NPR3: variants seen among roughly 807,000 people sequenced by gnomAD.
NPR3 encodes natriuretic peptide receptor 3.
Under a neutral mutation model 54.5 loss-of-function variants are expected in NPR3, and 34 were observed. The ratio of observed to expected loss-of-function variants is 0.62; its 90% CI spans 0.47 to 0.83. NPR3 has a LOEUF of 0.83. NPR3 is among the 40% of genes least tolerant of loss of function. The pLI, the probability that NPR3 is intolerant of heterozygous loss-of-function variation, is 0.00. For synonymous variants in NPR3, 289 were observed against 297.1 expected (o/e 0.97, Z 0.28); for missense variants, 674 against 720.8 (o/e 0.94, Z 0.74).
At chr5:32,730,840 G>C (rs1275093592) in intron 2 of NPR3, among the ~76,000 whole-genome samples, 3 of 152,264 alleles carry the variant, frequency 2.0e-5, no homozygotes, top group Non-Finnish European at 4.4e-5. Context: ...ATTAATGAGA[G>C]ACATACCTTG....
chr5:32,743,987 ATTTTT>A (rs199604802), intron 3 of NPR3, among the ~76,000 whole-genome samples: 95 of 113,832 alleles, frequency 8.3e-4, no homozygotes, highest in South Asian at 1.9e-3. Context: ...ATTCTGATGC[ATTTTT>A]TTTTTTTTTT....
At chr5:32,749,326 T>A (rs1256289447) in intron 3 of NPR3, among the ~76,000 whole-genome samples, 3 of 152,118 alleles carry the variant, frequency 2.0e-5, no homozygotes, top group African/African-American at 7.2e-5. Flanking sequence ...TTAAAAAAAA[T>A]TTTCTTTTAC....
Position 32,712,433 on chromosome 5 carries a change from G to C in NPR3, c.657G>C (p.Gly219=), listed in dbSNP as rs377062036. 1.9e-6 allele frequency: 3 copies of C among 1,612,278 alleles called. No homozygotes were observed. The East Asian group carries it at 6.7e-5, about 36-fold the overall frequency. Residue 219 remains glycine, a synonymous_variant, in exon 1 of 8, where the codon GGG becomes GGC. Transcript: ENST00000265074. The part of the protein sequence containing the change: ...LERNCYFTLE[G]VHEVFQEEGL... ...GGAACTGCTACTTCACCCTCGAGGG[G>C]GTCCACGAGGTCTTCCAGGAGGAGG...
chr5:32,763,417 G>A (rs1190642959), intron 3 of NPR3, among the ~76,000 whole-genome samples: 1 of 151,970 alleles, frequency 6.6e-6, no homozygotes, highest in East Asian at 1.9e-4. Context: ...CTGCCTCCTG[G>A]GTTCAAACAA....
At position 32,787,047 on chromosome 5, in the gene NPR3, G is replaced by T. The variant is rs10050511; in HGVS notation, c.*702G>T. The T allele has an allele frequency of 2.0e-5, 3 of 150,530 alleles. No homozygotes were observed. The highest frequency in any genetic ancestry group is 3.0e-5 in the Non-Finnish European group (2 of 67,626). 9.3% of individuals were successfully genotyped at this position (150,530 alleles called of 1,614,324 possible). On this transcript the variant is annotated 3_prime_UTR_variant, in exon 8 of 8. Transcript: ENST00000265074. ...ATGTAAAAAAAAAAAGCCCTATTTC[G>T]CACTAACATTTTATTTTACAAGTAT...
rs1340695301 is a variant in NPR3 at position 32,791,025 on chromosome 5, A to T, written c.*4680A>T. On this transcript the variant is annotated 3_prime_UTR_variant, in exon 8 of 8. Coordinates refer to ENST00000265074, the MANE Select transcript of NPR3 (RefSeq NM_001204375.2). ...AACATAGGCTACCAAAATATTTCTTATTTGCTAGGAGAACAAAGCTGTCAC... is the reference window on the plus strand; with the variant it reads ...AACATAGGCTACCAAAATATTTCTTTTTTGCTAGGAGAACAAAGCTGTCAC... 1 of 167,110 alleles carries T rather than the reference A, an allele frequency of 6.0e-6. No homozygotes were observed. The highest frequency in any genetic ancestry group is 6.5e-5 in the Admixed American group (1 of 15,288). 10.4% of individuals were successfully genotyped at this position (167,110 alleles called of 1,614,324 possible). A position where few individuals can be genotyped will look rare whatever the true frequency, so the allele number is the denominator to read the frequency against.
At chr5:32,720,728 T>A (rs1738810129) in intron 1 of NPR3, among the ~76,000 whole-genome samples, 1 of 152,208 alleles carries the variant, frequency 6.6e-6, no homozygotes, top group Non-Finnish European at 1.5e-5. Flanking sequence ...ACTGCCTTAA[T>A]TAACCTCCAC....
chr5:32,784,852 G>A lies in NPR3; in HGVS notation c.1483G>A (p.Ala495Thr), dbSNP rs759137072. The A allele has an allele frequency of 6.2e-6, 10 of 1,613,672 alleles. No individual in the cohort carries two copies. The highest frequency in any genetic ancestry group is 8.5e-6 in the Non-Finnish European group (10 of 1,179,750). The change falls in exon 7 of 8, where the codon GCT (alanine) becomes ACT (threonine). Residue 495 changes from alanine to threonine, a missense_variant. Transcript: ENST00000265074. ...TGIVVGALLG[A>T]GLLMAFYFFR... Reference sequence around the variant, plus strand: ...AATTGTCGTGGGGGCTTTACTAGGAGCTGGCTTGCTAATGGCCTTCTACTT... The same window carrying A: ...AATTGTCGTGGGGGCTTTACTAGGAACTGGCTTGCTAATGGCCTTCTACTT...
intron 7 of NPR3, among the ~76,000 whole-genome samples, chr5:32,785,744 G>T (rs1742583221): frequency 6.6e-6 from 1 of 152,180 alleles, no homozygotes; most frequent in Non-Finnish European, 1.5e-5. Flanking sequence ...TGATTGTTCT[G>T]CCCCGTGAGG....
upstream of NPR3, chr5:32,709,262 A>G (rs1029268165): frequency 6.6e-6 from 1 of 152,012 alleles, no homozygotes; most frequent in African/African-American, 2.4e-5. Flanking sequence ...GGTTCCTACC[A>G]CTGTGGCCAG....
chr5:32,698,525 C>T (rs1371780187), intron 1 of NPR3, among the ~76,000 whole-genome samples: 1 of 152,112 alleles, frequency 6.6e-6, no homozygotes, highest in East Asian at 1.9e-4. Context: ...TTCAATGTTT[C>T]TTTGTCAATA....
chr5:32,743,188 C>T (rs1338498524), intron 3 of NPR3, among the ~76,000 whole-genome samples: 1 of 152,198 alleles, frequency 6.6e-6, no homozygotes, highest in African/African-American at 2.4e-5. Context: ...CTTGCCCTCT[C>T]TCTTTTTAAT....
intron 2 of NPR3, among the ~76,000 whole-genome samples, chr5:32,728,766 G>C (rs1489224276): frequency 7.2e-6 from 1 of 138,962 alleles, no homozygotes; most frequent in Admixed American, 7.6e-5. Context: ...GAAATTTCTT[G>C]GTATTAACGT....
chr5:32,755,194 G>A (rs1457024173), intron 3 of NPR3, among the ~76,000 whole-genome samples: 4 of 152,168 alleles, frequency 2.6e-5, no homozygotes, highest in Non-Finnish European at 5.9e-5. Context: ...CAACAATTCT[G>A]TGTGAGATTG....
At position 32,711,685 on chromosome 5, in the gene NPR3, T is replaced by G; in HGVS notation, c.-92T>G. 1 of 1,357,086 alleles carries G rather than the reference T, an allele frequency of 7.4e-7. No individual in the cohort carries two copies. The highest frequency in any genetic ancestry group is 9.4e-7 in the Non-Finnish European group (1 of 1,058,428). The allele number at this position is 1,357,086 out of a possible 1,614,324, so 84.1% of individuals were successfully genotyped here. A position where few individuals can be genotyped will look rare whatever the true frequency, so the allele number is the denominator to read the frequency against. ...AAGCGCCCAAGGGGGCGCAGGGACC[T>G]TGGAGAGAAGAGTGGGGAGGAAAGA... On this transcript the variant is annotated 5_prime_UTR_variant, in exon 1 of 8. Coordinates refer to ENST00000265074, the MANE Select transcript of NPR3 (RefSeq NM_001204375.2).
intron 3 of NPR3, among the ~76,000 whole-genome samples, chr5:32,772,705 A>G (rs985692274): frequency 1.3e-5 from 2 of 152,230 alleles, no homozygotes; most frequent in African/African-American, 4.8e-5. Context: ...CTCCATCTCT[A>G]GACAATTACA....
Position 32,712,452 on chromosome 5 carries a change from G to C in NPR3, c.676G>C (p.Glu226Gln). Residue 226 changes from glutamate to glutamine, a missense_variant, in exon 1 of 8, where the codon GAG becomes CAG. Glu to Gln is a conservative substitution (Grantham distance 29). Coordinates refer to ENST00000265074, the MANE Select transcript of NPR3 (RefSeq NM_001204375.2). Reference protein sequence around the residue: ...TLEGVHEVFQEEGLHTSIYSF... With the variant: ...TLEGVHEVFQQEGLHTSIYSF... ...CGAGGGGGTCCACGAGGTCTTCCAG[G>C]AGGAGGGTTTGCACACGTCCATCTA... 6.2e-7 allele frequency: 1 copy of C among 1,609,648 alleles called. No individual in the cohort carries two copies. The highest frequency in any genetic ancestry group is 8.5e-7 in the Non-Finnish European group (1 of 1,178,740).
Position 32,730,521 on chromosome 5 carries a change from G to T in NPR3, c.892+5701G>T, listed in dbSNP as rs529614170. Among the ~76,000 whole-genome samples, 11 of 152,224 alleles carry T rather than the reference G, an allele frequency of 7.2e-5. No homozygotes were observed. The South Asian group carries it at 2.1e-3, about 29-fold the overall frequency. ...AATAAAAAGCATACAGTTTGGAAAA[G>T]AAGAAAAAATCTGCTGTTTTGTGCA... On this transcript the variant is annotated intron_variant, in intron 2 of 7. Coordinates refer to ENST00000265074, the MANE Select transcript of NPR3 (RefSeq NM_001204375.2).
chr5:32,711,391 T>G lies in NPR3; in HGVS notation c.-386T>G. On this transcript the variant is annotated 5_prime_UTR_variant, in exon 1 of 8. Transcript: ENST00000265074. The stretch of plus-strand genomic sequence containing the variant: ...TACAAACACTTGGACAAGTCTAACT[T>G]TTTTTTTCTTCTACAAAAACGCTTT... The G allele has an allele frequency of 1.0e-6, 1 of 1,003,136 alleles. No individual in the cohort carries two copies. The highest frequency in any genetic ancestry group is 1.2e-6 in the Non-Finnish European group (1 of 842,458). 62.1% of individuals were successfully genotyped at this position (1,003,136 alleles called of 1,614,324 possible).
Sources: allele counts gnomAD v4.1 joint callset (sites outside exome capture counted in the v4.1 genomes callset), GRCh38; gene constraint gnomAD v4.1.1; transcripts MANE v1.5; gene names NCBI Gene and HGNC (gene_info 2026-07-23, HGNC 2026-07-21).